The following PPWD1 variants were observed in gnomAD, a reference collection of about 807,000 sequenced individuals.
PPWD1 encodes the protein peptidylprolyl isomerase domain and WD repeat containing 1.
A neutral mutation model predicts 68.8 loss-of-function variants in PPWD1; 43 were observed. The observed-to-expected ratio is 0.62, with a 90% CI of 0.49 to 0.81. PPWD1 has a LOEUF of 0.81. Ranked by LOEUF, PPWD1 falls within the 30% of genes least tolerant of loss-of-function variation. The pLI, the probability that PPWD1 is intolerant of heterozygous loss-of-function variation, is 0.00. For synonymous variants in PPWD1, 232 were observed against 258.7 expected (o/e 0.90, Z 0.99); for missense variants, 672 against 804.8 (o/e 0.83, Z 2.00).
chr5:65,582,477 C>T (rs1428883236), intron 7 of PPWD1: 1 of 152,142 alleles, frequency 6.6e-6, no homozygotes, highest in Non-Finnish European at 1.5e-5. Flanking sequence ...GTAGTAATAA[C>T]AACTGTTAAT....
At chr5:65,567,760 C>G in intron 2 of PPWD1, 145 bp downstream of exon 2, 1 of 1,327,186 alleles carries the variant, frequency 7.5e-7, no homozygotes, top group Non-Finnish European at 9.8e-7. Flanking sequence ...CCTACATGTT[C>G]TTTCCTATAT....
At chr5:65,571,793 G>A (rs369876217) in intron 4 of PPWD1, 46 bp from the exon 5 acceptor site, 1 of 1,582,170 alleles carries the variant, frequency 6.3e-7, no homozygotes, top group Non-Finnish European at 8.6e-7. Flanking sequence ...ATGCTTGCTT[G>A]TTGTGCTGAC....
At chr5:65,582,818 C>G (rs1034921083) in intron 7 of PPWD1, 1 of 409,048 alleles carries the variant, frequency 2.4e-6, no homozygotes, top group African/African-American at 2.1e-5. Context: ...CATTTGAAAT[C>G]AATGTGTTCA....
intron 2 of PPWD1, chr5:65,568,982 A>G (rs1394472844): frequency 2.2e-6 from 1 of 455,980 alleles, no homozygotes; most frequent in Non-Finnish European, 4.4e-6. Flanking sequence ...CACTCTAGCT[A>G]TATGGACCTG....
chr5:65,569,319 G>A, intron 2 of PPWD1: 1 of 266,928 alleles, frequency 3.7e-6, no homozygotes, highest in South Asian at 4.1e-5. Context: ...CTGTCTGTAG[G>A]GTAATTTTAG....
At position 65,583,216 on chromosome 5, in the gene PPWD1, T is replaced by C; in HGVS notation, c.1529T>C (p.Val510Ala). The change falls in exon 8 of 11, where the codon GTT becomes GCT. Residue 510 changes from valine (V) to alanine (A), a missense_variant. Val to Ala is a moderately conservative substitution (Grantham distance 64, BLOSUM62 0). Around this residue, in one of 2 missense-constraint regions of PPWD1, gnomAD observed 484 missense variants for 646.2 expected, o/e 0.75. Transcript: ENST00000261308. ...GACATTCACACCAAACTTTTTCCTG[T>C]TGAGTATGTATAACAACTGTTTTTA... ...MGDIHTKLFP[V>A]ECPKTVENFC... 4 of 1,579,876 alleles carry C rather than the reference T, an allele frequency of 2.5e-6. No homozygotes were observed. The highest frequency in any genetic ancestry group is 2.6e-6 in the Non-Finnish European group (3 of 1,164,250).
At position 65,572,283 on chromosome 5, in the gene PPWD1, A is replaced by G; in HGVS notation, c.966A>G (p.Leu322=). The change falls in exon 5 of 11, where the codon CTA becomes CTG. Residue 322 remains leucine (L), a synonymous_variant. Coordinates refer to ENST00000261308, the MANE Select transcript of PPWD1 (RefSeq NM_015342.4). ...GKLMRVFDES[L]SMFTELQQMR... is the part of the protein sequence containing the mutation. Reference sequence around the variant, plus strand: ...TCATGAGAGTCTTTGATGAATCACTAAGCGTAAGTGTAATTTAAATTTAAC... The same window carrying G: ...TCATGAGAGTCTTTGATGAATCACTGAGCGTAAGTGTAATTTAAATTTAAC... 1.2e-6 allele frequency: 2 copies of G among 1,604,402 alleles called. No individual in the cohort carries two copies. Among genetic ancestry groups the G allele is most frequent in the Non-Finnish European group, 1.7e-6 (2 of 1,174,282 alleles).
chr5:65,586,278 C>T (rs1753846556), intron 10 of PPWD1, 97 bp downstream of exon 10: 4 of 1,165,050 alleles, frequency 3.4e-6, no homozygotes, highest in East Asian at 2.6e-5. Flanking sequence ...GTATTTTCTG[C>T]ATTATTTATA....
At position 65,583,018 on chromosome 5, in the gene PPWD1, T is replaced by A. The variant is rs1753664008; in HGVS notation, c.1351-20T>A. 6.6e-7 allele frequency: 1 copy of A among 1,519,470 alleles called. No individual in the cohort carries two copies. The highest frequency in any genetic ancestry group is 8.8e-7 in the Non-Finnish European group (1 of 1,131,628). The allele number at this position is 1,519,470 out of a possible 1,614,324, so 94.1% of individuals were successfully genotyped here. ...TGAAAACTTTAATTCGTTGACTCAC[T>A]TTTTACTTTCCTCCTTGAGTTTACC... On this transcript the variant is annotated intron_variant, in intron 7 of 10. Coordinates refer to ENST00000261308, the MANE Select transcript of PPWD1 (RefSeq NM_015342.4).
At chr5:65,572,393 A>G in intron 5 of PPWD1, 107 bp downstream of exon 5, 1 of 1,185,634 alleles carries the variant, frequency 8.4e-7, no homozygotes, top group East Asian at 2.6e-5. Flanking sequence ...AGATAGACTT[A>G]TTTTTTTCTT....
In PPWD1 at chr5:65,567,499, T is replaced by C. The variant is rs1246689346; in HGVS notation, c.197-14T>C. ...GTTAAAAATAGATCTTATACTTTAC[T>C]TTTTTTTCTTCAGTCTTAGAGTTTG... On this transcript the variant is annotated splice_polypyrimidine_tract_variant and intron_variant, in intron 1 of 10. Coordinates refer to ENST00000261308, the MANE Select transcript of PPWD1 (RefSeq NM_015342.4). 2 of 1,587,808 alleles carry C rather than the reference T, an allele frequency of 1.3e-6. No homozygotes were observed. The highest frequency in any genetic ancestry group is 1.4e-5 in the African/African-American group (1 of 73,858).
In PPWD1 at chr5:65,586,028, A is replaced by C; in HGVS notation, c.1644A>C (p.Thr548=). 1.2e-6 allele frequency: 2 copies of C among 1,613,354 alleles called. No homozygotes were observed. The highest frequency in any genetic ancestry group is 2.7e-5 in the African/African-American group (2 of 75,002). ...TTATGATTCAGACTGGAGATCCAAC[A>C]GGTACTGGTATGGGAGGAGAAAGCA... ...KGFMIQTGDP[T]GTGMGGESIW... The change falls in exon 10 of 11, where the codon ACA becomes ACC. Residue 548 remains threonine (T), a synonymous_variant. Transcript: ENST00000261308.
At chr5:65,568,473 T>C (rs923751456) in intron 2 of PPWD1, among the ~76,000 whole-genome samples, 10 of 152,154 alleles carry the variant, frequency 6.6e-5, no homozygotes, top group African/African-American at 1.9e-4. Context: ...TAGAAGACTT[T>C]TTATTTCTTG....
chr5:65,574,880 C>T (rs1327662826), intron 5 of PPWD1, among the ~76,000 whole-genome samples: 2 of 152,226 alleles, frequency 1.3e-5, no homozygotes, highest in Admixed American at 6.5e-5. Flanking sequence ...AGTAGTAGAA[C>T]TTAAGACAGA....
At chr5:65,574,472 TTTG>T (rs1753188390) in intron 5 of PPWD1, among the ~76,000 whole-genome samples, 3 of 135,132 alleles carry the variant, frequency 2.2e-5, no homozygotes, top group African/African-American at 2.8e-5. Flanking sequence ...TTTTTTTTTT[TTTG>T]AGACGGAGTC....
At chr5:65,578,684 ATTG>A (rs1386319503) in intron 6 of PPWD1, among the ~76,000 whole-genome samples, 4 of 148,744 alleles carry the variant, frequency 2.7e-5, no homozygotes, top group Non-Finnish European at 5.9e-5. Context: ...TTGTGTTCTT[ATTG>A]TTGTGTTTTA....
At chr5:65,585,744 T>C (rs1753811988) in intron 9 of PPWD1, among the ~76,000 whole-genome samples, 1 of 152,158 alleles carries the variant, frequency 6.6e-6, no homozygotes, top group African/African-American at 2.4e-5. Context: ...ATTAACTGGC[T>C]TTATTTGGGT....
intron 10 of PPWD1, 105 bp from the exon 11 acceptor site, chr5:65,587,148 C>CTAA: frequency 4.0e-6 from 5 of 1,239,206 alleles, no homozygotes; most frequent in Non-Finnish European, 4.3e-6. Context: ...TAAATATATG[C>CTAA]TAAAGGGGAG....
At chr5:65,563,588 T>A in intron 1 of PPWD1, 82 bp downstream of exon 1, 1 of 1,486,598 alleles carries the variant, frequency 6.7e-7, no homozygotes, top group Non-Finnish European at 9.0e-7. Flanking sequence ...CGAAGAGGGA[T>A]GATGTGTGGA....
Sources: allele counts gnomAD v4.1 joint callset (sites outside exome capture counted in the v4.1 genomes callset), GRCh38; gene constraint gnomAD v4.1.1; regional missense constraint gnomAD v4.1.1; transcripts MANE v1.5; gene names NCBI Gene and HGNC (gene_info 2026-07-23, HGNC 2026-07-21).